RAB2B: variants seen among roughly 807,000 people sequenced by gnomAD.
The protein encoded by RAB2B is RAB2B, member RAS oncogene family.
In RAB2B, 20 loss-of-function variants were observed where a neutral mutation model predicts 29.8. That is an observed-to-expected ratio of 0.67 (90% CI 0.47 to 0.97). RAB2B has a LOEUF of 0.97. RAB2B is among the 50% of genes least tolerant of loss of function. The pLI is 0.00. For missense variants in RAB2B, 218 were observed against 272.0 expected (o/e 0.80, Z 1.40); for synonymous variants, 93 against 91.7 (o/e 1.01, Z -0.08).
rs535774488 is a variant in RAB2B at position 21,462,493 on chromosome 14, A to G, written c.475-75T>C. 196 of 1,339,202 alleles carry G rather than the reference A, an allele frequency of 1.5e-4. 1 individual carries two copies. The African/African-American group carries it at 2.7e-3, about 18-fold the overall frequency. 83.0% of individuals were successfully genotyped at this position (1,339,202 alleles called of 1,614,324 possible). A position where few individuals can be genotyped will look rare whatever the true frequency, so the allele number is the denominator to read the frequency against. On this transcript the variant is annotated intron_variant, in intron 6 of 7. Coordinates refer to ENST00000397762, the MANE Select transcript of RAB2B (RefSeq NM_032846.4). ...TGAGGGAAAGAGAATATTAATTATT[A>G]TTCATATTTGAATTTCTAAGGTGAA...
intron 6 of RAB2B, 30 bp downstream of exon 6, chr14:21,463,626 G>A: frequency 2.2e-6 from 3 of 1,361,996 alleles, no homozygotes; most frequent in Non-Finnish European, 3.2e-6. Context: ...AATCTCTAAA[G>A]AGCTTTCCCC....
intron 3 of RAB2B, among the ~76,000 whole-genome samples, chr14:21,471,280 C>G (rs1025414056): frequency 3.3e-5 from 5 of 151,784 alleles, no homozygotes; most frequent in South Asian, 2.1e-4. Context: ...TTGGTCTTGT[C>G]TATATCAGTC....
intron 3 of RAB2B, among the ~76,000 whole-genome samples, chr14:21,472,397 G>C (rs1441480202): frequency 6.6e-6 from 1 of 152,082 alleles, no homozygotes; most frequent in Non-Finnish European, 1.5e-5. Context: ...TTTTCATGTA[G>C]GATGGGTTTG....
chr14:21,475,334 T>G (rs1890921497), intron 2 of RAB2B, among the ~76,000 whole-genome samples: 1 of 152,178 alleles, frequency 6.6e-6, no homozygotes, highest in Non-Finnish European at 1.5e-5. Flanking sequence ...TCTCAGTCAC[T>G]CTTTAGTCTC....
Position 21,468,458 on chromosome 14 carries a change from G to GA in RAB2B, c.270-10dup, listed in dbSNP as rs1890734627. On this transcript the variant is annotated splice_polypyrimidine_tract_variant and intron_variant, in intron 4 of 7. Coordinates refer to ENST00000397762, the MANE Select transcript of RAB2B (RefSeq NM_032846.4). ...GGTTGAAGGTTTCACGCCTACAGCA[G>GA]AAAAATTTAGAATGTGGGTCAGAGA... 1 of 1,612,104 alleles carries GA rather than the reference G, an allele frequency of 6.2e-7. No individual in the cohort carries two copies. The highest frequency in any genetic ancestry group is 1.1e-5 in the South Asian group (1 of 90,962).
At chr14:21,471,865 G>A (rs1214849612) in intron 3 of RAB2B, among the ~76,000 whole-genome samples, 3 of 151,516 alleles carry the variant, frequency 2.0e-5, no homozygotes, top group Non-Finnish European at 4.4e-5. Flanking sequence ...TAGTAGAGAT[G>A]GGGTTTCACC....
chr14:21,474,972 C>CT, intron 2 of RAB2B, 38 bp from the exon 3 acceptor site: 1 of 1,570,982 alleles, frequency 6.4e-7, no homozygotes, highest in Non-Finnish European at 8.8e-7. Context: ...GTGATTCTCA[C>CT]GAACAGCAGC....
intron 3 of RAB2B, among the ~76,000 whole-genome samples, chr14:21,471,889 TAGTCTCAAACTCCTGACCTC>T (rs1327360770): frequency 6.6e-6 from 1 of 151,784 alleles, no homozygotes; most frequent in African/African-American, 2.4e-5. Flanking sequence ...TTGGCCAGGC[TAGTCTCAAACTCCTGACCTC>T]AGGTGATCCG....
At chr14:21,472,369 C>T (rs893543956) in intron 3 of RAB2B, among the ~76,000 whole-genome samples, 1 of 152,092 alleles carries the variant, frequency 6.6e-6, no homozygotes, top group African/African-American at 2.4e-5. Context: ...AAATACCTAT[C>T]ACAGTAATCC....
At chr14:21,471,248 T>C (rs1890806070) in intron 3 of RAB2B, among the ~76,000 whole-genome samples, 1 of 151,540 alleles carries the variant, frequency 6.6e-6, no homozygotes, top group Non-Finnish European at 1.5e-5. Flanking sequence ...ACCAGTAAGC[T>C]AGAAAGAGTG....
intron 3 of RAB2B, among the ~76,000 whole-genome samples, chr14:21,470,337 G>C (rs1232566594): frequency 6.6e-6 from 1 of 152,096 alleles, no homozygotes; most frequent in Non-Finnish European, 1.5e-5. Flanking sequence ...TTAAGTGCTA[G>C]AGCCATAATT....
rs1455491123 is a variant in RAB2B, at chr14:21,460,213, G to C, written c.*983C>G. ...GGATCTATCAACCAAAGGCCAACTA[G>C]ATCTAGGTAATTGCAAGTGTTCAAA... On this transcript the variant is annotated 3_prime_UTR_variant, in exon 8 of 8. Transcript: ENST00000397762. 1 of 518,836 alleles carries C rather than the reference G, an allele frequency of 1.9e-6. No homozygotes were observed. The highest frequency in any genetic ancestry group is 1.9e-5 in the African/African-American group (1 of 51,942). The allele number at this position is 518,836 out of a possible 1,614,324, so 32.1% of individuals were successfully genotyped here. A position where few individuals can be genotyped will look rare whatever the true frequency, so the allele number is the denominator to read the frequency against.
chr14:21,476,400 G>C, intron 2 of RAB2B, 128 bp downstream of exon 2: 1 of 909,690 alleles, frequency 1.1e-6, no homozygotes. Flanking sequence ...ATTAACATAA[G>C]TTTGGACTAG....
At chr14:21,468,554 T>A in intron 4 of RAB2B, 105 bp from the exon 5 acceptor site, 3 of 1,287,482 alleles carry the variant, frequency 2.3e-6, no homozygotes, top group African/African-American at 1.5e-5. Context: ...TAAAGAAAAA[T>A]ATTAGAGAGG....
At chr14:21,476,475 A>C (rs981561484) in intron 2 of RAB2B, 53 bp downstream of exon 2, 2 of 1,606,736 alleles carry the variant, frequency 1.2e-6, no homozygotes, top group Non-Finnish European at 1.7e-6. Flanking sequence ...CCACTTTAGC[A>C]ATTTAGCTAG....
At chr14:21,469,940 T>C (rs1594412991) in intron 3 of RAB2B, among the ~76,000 whole-genome samples, 1 of 151,278 alleles carries the variant, frequency 6.6e-6, no homozygotes, top group African/African-American at 2.5e-5. Context: ...CCGATATTAT[T>C]ATTCCCTTTT....
chr14:21,468,261 C>A, intron 5 of RAB2B, 96 bp downstream of exon 5: 1 of 919,780 alleles, frequency 1.1e-6, no homozygotes, highest in Non-Finnish European at 1.7e-6. Flanking sequence ...TACTGAAACA[C>A]TAAGACCACT....
At chr14:21,462,259 G>A (rs1890574260) in intron 7 of RAB2B, 91 bp downstream of exon 7, 1 of 919,712 alleles carries the variant, frequency 1.1e-6, no homozygotes, top group Non-Finnish European at 1.6e-6. Flanking sequence ...TATAATGATA[G>A]ATGGGGAATG....
chr14:21,465,432 G>C (rs73581411), intron 5 of RAB2B, among the ~76,000 whole-genome samples: 20,511 of 152,204 alleles, frequency 0.13, 1,616 homozygotes, highest in Admixed American at 0.22. Context: ...GATACCCTTT[G>C]CTCCCTACTC....
Sources: allele counts gnomAD v4.1 joint callset (sites outside exome capture counted in the v4.1 genomes callset), GRCh38; gene constraint gnomAD v4.1.1; transcripts MANE v1.5; gene names NCBI Gene and HGNC (gene_info 2026-07-23, HGNC 2026-07-21).